RYR2: variants seen among roughly 807,000 people sequenced by gnomAD.
RYR2 encodes the protein cardiac muscle ryanodine receptor-calcium release channel.
Under a neutral mutation model 601.1 loss-of-function variants are expected in RYR2, and 227 were observed. The observed-to-expected ratio is 0.38, with a 90% CI of 0.34 to 0.42. The LOEUF (loss-of-function observed/expected upper bound fraction) is 0.42, where lower values mean the gene tolerates loss of function less well. Among genes scored for constraint, RYR2 ranks in the 10% least tolerant of loss-of-function variants. The pLI is 1.00. For synonymous variants in RYR2, 2,223 were observed against 2,175.1 expected (o/e 1.02, Z -0.61); for missense variants, 4,646 against 6,156.5 (o/e 0.75, Z 8.21).
chr1:237,809,093 A>C, intron 100 of RYR2, 58 bp downstream of exon 100: 1 of 1,458,108 alleles, frequency 6.9e-7, no homozygotes, highest in South Asian at 1.2e-5. Flanking sequence ...TCTGCAGTCT[A>C]AGTAATTGTG....
intron 80 of RYR2, among the ~76,000 whole-genome samples, chr1:237,748,689 T>C (rs1163287577): frequency 6.6e-6 from 1 of 152,208 alleles, no homozygotes; most frequent in African/African-American, 2.4e-5. Flanking sequence ...AGCACAACCC[T>C]CTATATTGTA....
At chr1:237,596,294 A>G (rs527360936) in intron 34 of RYR2, among the ~76,000 whole-genome samples, 2 of 152,350 alleles carry the variant, frequency 1.3e-5, no homozygotes, top group East Asian at 3.9e-4. Flanking sequence ...AGATACTTCA[A>G]CAAGATTAGG....
chr1:237,446,436 G>T (rs1057362577), intron 14 of RYR2, among the ~76,000 whole-genome samples: 1 of 151,928 alleles, frequency 6.6e-6, no homozygotes, highest in Non-Finnish European at 1.5e-5. Flanking sequence ...CTGAGCTTTT[G>T]TTATGTTTAG....
chr1:237,470,137 C>T (rs1008110720), intron 17 of RYR2, among the ~76,000 whole-genome samples: 4 of 152,176 alleles, frequency 2.6e-5, no homozygotes, highest in Non-Finnish European at 5.9e-5. Context: ...CAGTTTCCTT[C>T]ATTAGTAATG....
chr1:237,262,305 GAGTGC>G (rs1486424293), intron 1 of RYR2, among the ~76,000 whole-genome samples: 1 of 121,606 alleles, frequency 8.2e-6, no homozygotes, highest in Non-Finnish European at 1.6e-5. Context: ...GCCCAGGCCA[GAGTGC>G]AATGGCACTC....
intron 1 of RYR2, among the ~76,000 whole-genome samples, chr1:237,238,101 G>A (rs996639435): frequency 1.3e-5 from 2 of 151,730 alleles, no homozygotes; most frequent in African/African-American, 4.8e-5. Context: ...CCACAGGTGT[G>A]GTCCACACCA....
At chr1:237,450,203 A>G (rs1558838411) in intron 14 of RYR2, among the ~76,000 whole-genome samples, 1 of 152,066 alleles carries the variant, frequency 6.6e-6, no homozygotes, top group Non-Finnish European at 1.5e-5. Flanking sequence ...TGACATTCTC[A>G]TCAGTGTTCT....
intron 10 of RYR2, among the ~76,000 whole-genome samples, chr1:237,389,237 A>G (rs938980636): frequency 2.0e-5 from 3 of 152,246 alleles, no homozygotes; most frequent in African/African-American, 7.2e-5. Flanking sequence ...AGTTTCAAAC[A>G]GAAATATAAA....
chr1:237,230,841 A>G (rs545444399), intron 1 of RYR2, among the ~76,000 whole-genome samples: 9 of 150,732 alleles, frequency 6.0e-5, no homozygotes, highest in African/African-American at 2.2e-4. Flanking sequence ...AGACAGGAGA[A>G]TTGTTTGAAT....
intron 1 of RYR2, among the ~76,000 whole-genome samples, chr1:237,182,103 G>GTTTATTTATTTATTTA (rs71698093): frequency 6.2e-4 from 92 of 148,664 alleles, no homozygotes; most frequent in Middle Eastern, 3.4e-3. Context: ...ACTCCCTGGG[G>GTTTATTTATTTATTTA]TTTATTTATT....
chr1:237,285,500 C>T (rs141450056), intron 2 of RYR2, among the ~76,000 whole-genome samples: 1,722 of 152,020 alleles, frequency 0.011, 49 homozygotes, highest in African/African-American at 0.039. Flanking sequence ...TTGGGTATGT[C>T]CTTTCCTGGT....
At chr1:237,636,501 A>G (rs1680886505) in intron 44 of RYR2, among the ~76,000 whole-genome samples, 1 of 152,232 alleles carries the variant, frequency 6.6e-6, no homozygotes, top group African/African-American at 2.4e-5. Flanking sequence ...TAAAATGGCC[A>G]ATACTAATGC....
rs894726332 is a variant in RYR2 at position 237,343,820 on chromosome 1, TG to T, written c.274-12144del. Among the ~76,000 whole-genome samples the T allele has an allele frequency of 2.9e-4, 43 of 150,840 alleles. No homozygotes were observed. The South Asian group carries it at 7.1e-3, about 25-fold the overall frequency. ...TGTAGTTTCCCCATAAGAGGTTTTT[TG>T]TTTTTTTTTTTTTTTTGAGACAGAG... On this transcript the variant is annotated intron_variant, in intron 3 of 104. Coordinates refer to ENST00000366574, the MANE Select transcript of RYR2 (RefSeq NM_001035.3).
intron 1 of RYR2, among the ~76,000 whole-genome samples, chr1:237,269,684 G>A (rs1046208415): frequency 2.6e-5 from 4 of 152,054 alleles, no homozygotes; most frequent in Admixed American, 6.5e-5. Flanking sequence ...GTGCTTTATC[G>A]GATTTACTTC....
At chr1:237,355,114 GA>G (rs201551850) in intron 3 of RYR2, among the ~76,000 whole-genome samples, 2 of 151,680 alleles carry the variant, frequency 1.3e-5, no homozygotes, top group South Asian at 2.1e-4. Flanking sequence ...GTTTTCTAAG[GA>G]AAAAAAATTA....
chr1:237,592,157 A>C (rs1421727869), intron 32 of RYR2, among the ~76,000 whole-genome samples: 1 of 152,158 alleles, frequency 6.6e-6, no homozygotes, highest in Non-Finnish European at 1.5e-5. Flanking sequence ...GATTTTCTTC[A>C]TCTTACTGAA....
At chr1:237,756,720 C>T (rs1340069279) in intron 81 of RYR2, among the ~76,000 whole-genome samples, 2 of 152,080 alleles carry the variant, frequency 1.3e-5, no homozygotes, top group South Asian at 2.1e-4. Flanking sequence ...TGTTCAGCTT[C>T]GAGGGTTATG....
intron 18 of RYR2, 48 bp downstream of exon 18, chr1:237,491,972 G>A: frequency 1.2e-6 from 1 of 824,058 alleles, no homozygotes; most frequent in South Asian, 1.6e-5. Flanking sequence ...AATCCTTTTA[G>A]ATATATTTTT....
chr1:237,351,854 C>CAAAAAAAAAAAAAAAAAAAAAAAA (rs33955032), intron 3 of RYR2, among the ~76,000 whole-genome samples: 1 of 40,928 alleles, frequency 2.4e-5, no homozygotes, highest in Non-Finnish European at 4.7e-5. Context: ...AAAGACCATG[C>CAAAAAAAAAAAAAAAAAAAAAAAA]AAAAAAAAAA....
Sources: gnomAD v4.1 joint callset for allele counts (sites outside exome capture counted in the v4.1 genomes callset) on GRCh38, gnomAD v4.1.1 for gene constraint, MANE v1.5 for transcripts, NCBI Gene and HGNC (gene_info 2026-07-23, HGNC 2026-07-21) for gene names.